The following ADAMTS18 variants were observed in gnomAD, a reference collection of about 807,000 sequenced individuals.
The protein encoded by ADAMTS18 is ADAM metallopeptidase with thrombospondin type 1 motif 18.
Under a neutral mutation model 165.9 loss-of-function variants are expected in ADAMTS18, and 157 were observed. The ratio of observed to expected loss-of-function variants is 0.95; its 90% CI spans 0.83 to 1.08. The LOEUF is 1.08. ADAMTS18 is among the 50% of genes least tolerant of loss of function. The pLI, the probability that ADAMTS18 is intolerant of heterozygous loss-of-function variation, is 0.00. For missense variants in ADAMTS18, 2,040 were observed against 1,534.0 expected (o/e 1.33, Z -5.51); for synonymous variants, 782 against 578.2 (o/e 1.35, Z -5.06).
intron 12 of ADAMTS18, among the ~76,000 whole-genome samples, chr16:77,326,308 T>A (rs1295087352): frequency 6.6e-6 from 1 of 152,232 alleles, no homozygotes. Context: ...CTAAATCAAA[T>A]TTATTTGCCA....
chr16:77,322,653 A>G (rs1567481311), intron 13 of ADAMTS18, among the ~76,000 whole-genome samples, 187 bp from the exon 14 acceptor site: 1 of 152,230 alleles, frequency 6.6e-6, no homozygotes, highest in Non-Finnish European at 1.5e-5. Context: ...AACAATCCAT[A>G]TAAAACTAAT....
At position 77,320,046 on chromosome 16, in the gene ADAMTS18, T is replaced by C. The variant is rs1228938353; in HGVS notation, c.2335A>G (p.Ile779Val). Reference protein sequence around the residue: ...LIPAGARSIEIQELQVSSSYL... With the variant: ...LIPAGARSIEVQELQVSSSYL... ...CTGGAGGAAACCTGCAGCTCCTGGA[T>C]TTCGATGCTTCGGGCGCCAGCTGGA... Residue 779 changes from isoleucine to valine, a missense_variant, in exon 16 of 23, where the codon ATC becomes GTC. Coordinates refer to ENST00000282849, the MANE Select transcript of ADAMTS18 (RefSeq NM_199355.4). The C allele has an allele frequency of 6.2e-7, 1 of 1,614,012 alleles. No individual in the cohort carries two copies. Among genetic ancestry groups the C allele is most frequent in the Non-Finnish European group, 8.5e-7 (1 of 1,180,018 alleles).
chr16:77,375,547 G>T (rs1014119626), intron 3 of ADAMTS18, among the ~76,000 whole-genome samples: 1 of 152,200 alleles, frequency 6.6e-6, no homozygotes, highest in Non-Finnish European at 1.5e-5. Flanking sequence ...CCACGATGGG[G>T]AAGTCCATGA....
intron 3 of ADAMTS18, among the ~76,000 whole-genome samples, chr16:77,389,781 T>C (rs370912065): frequency 2.0e-5 from 3 of 152,078 alleles, no homozygotes; most frequent in East Asian, 3.9e-4. Context: ...AGAGGTGAAA[T>C]AGAGACAGGA....
At chr16:77,288,692 C>CTCCATTAAAATATGAGCTCCTTG (rs1343179777) in intron 22 of ADAMTS18, among the ~76,000 whole-genome samples, 1 of 152,126 alleles carries the variant, frequency 6.6e-6, no homozygotes, top group Non-Finnish European at 1.5e-5. Flanking sequence ...TAGTTGTCTC[C>CTCCATTAAAATATGAGCTCCTTG]TCCATTAAAA....
At chr16:77,340,739 C>G (rs772556645) in intron 11 of ADAMTS18, among the ~76,000 whole-genome samples, 1 of 152,020 alleles carries the variant, frequency 6.6e-6, no homozygotes, top group Non-Finnish European at 1.5e-5. Flanking sequence ...CACCACCAAG[C>G]CTGTTTAAGC....
At chr16:77,411,236 T>C (rs778075964) in intron 3 of ADAMTS18, among the ~76,000 whole-genome samples, 7 of 152,294 alleles carry the variant, frequency 4.6e-5, no homozygotes, top group Middle Eastern at 6.8e-3. Context: ...CATAGCCACA[T>C]GGCTGGCTCC....
chr16:77,399,415 T>C (rs985518164), intron 3 of ADAMTS18, among the ~76,000 whole-genome samples: 4 of 152,176 alleles, frequency 2.6e-5, no homozygotes, highest in Non-Finnish European at 5.9e-5. Context: ...TTCAGGTGAA[T>C]GAAGCATTTA....
intron 13 of ADAMTS18, among the ~76,000 whole-genome samples, chr16:77,322,711 T>G (rs1225726316): frequency 6.6e-6 from 1 of 152,166 alleles, no homozygotes; most frequent in East Asian, 1.9e-4. Flanking sequence ...TTAGGGATAG[T>G]CACCATACAC....
intron 3 of ADAMTS18, among the ~76,000 whole-genome samples, chr16:77,376,516 G>A (rs977419527): frequency 1.3e-5 from 2 of 152,160 alleles, no homozygotes; most frequent in Non-Finnish European, 2.9e-5. Flanking sequence ...TTCCCCTCAA[G>A]AGACAAGAGT....
chr16:77,394,996 C>G (rs145170990), intron 3 of ADAMTS18, among the ~76,000 whole-genome samples: 1 of 152,248 alleles, frequency 6.6e-6, no homozygotes, highest in East Asian at 1.9e-4. Flanking sequence ...AAACCCTAGG[C>G]ACATGAAGCT....
chr16:77,428,207 T>C (rs1269608639), intron 3 of ADAMTS18, among the ~76,000 whole-genome samples: 4 of 152,128 alleles, frequency 2.6e-5, no homozygotes, highest in Non-Finnish European at 5.9e-5. Context: ...TCGGTCTCTG[T>C]ATTAATAGGA....
At chr16:77,355,369 T>G (rs1025965300) in intron 9 of ADAMTS18, among the ~76,000 whole-genome samples, 1 of 152,232 alleles carries the variant, frequency 6.6e-6, no homozygotes, top group African/African-American at 2.4e-5. Flanking sequence ...TGGCTATCAT[T>G]TGGACATAAA....
intron 22 of ADAMTS18, 77 bp from the exon 23 acceptor site, chr16:77,284,148 T>TCTCA (rs2055203445): frequency 2.2e-6 from 2 of 928,274 alleles, no homozygotes; most frequent in African/African-American, 3.4e-5. Flanking sequence ...TGAGATGGAG[T>TCTCA]CTCACTCTGT....
intron 3 of ADAMTS18, among the ~76,000 whole-genome samples, chr16:77,387,081 G>A (rs1160660737): frequency 2.0e-5 from 3 of 152,130 alleles, no homozygotes; most frequent in Admixed American, 6.6e-5. Flanking sequence ...AGATGCAGAG[G>A]GACATAGATA....
intron 4 of ADAMTS18, among the ~76,000 whole-genome samples, chr16:77,366,871 T>C (rs1414960212): frequency 6.6e-6 from 1 of 152,224 alleles, no homozygotes; most frequent in Non-Finnish European, 1.5e-5. Context: ...TAAAATGTTA[T>C]TAAAATTCAT....
chr16:77,388,630 T>A (rs1265255562), intron 3 of ADAMTS18, among the ~76,000 whole-genome samples: 1 of 152,128 alleles, frequency 6.6e-6, no homozygotes, highest in African/African-American at 2.4e-5. Context: ...ACTGAAGGCA[T>A]AAATATATAT....
chr16:77,364,744 GA>G lies in ADAMTS18; in HGVS notation c.779-364del, dbSNP rs371160538. On this transcript the variant is annotated intron_variant, in intron 4 of 22. Transcript: ENST00000282849. The stretch of plus-strand genomic sequence containing the variant: ...CTAAAAGGAAAAAAAAAGAAAGAAA[GA>G]AAAGAAAAGAAGAAAGAAAAGGAAA... Among the ~76,000 whole-genome samples, 5 of 81,628 alleles carry G rather than the reference GA, an allele frequency of 6.1e-5. 1 individual carries two copies. Among genetic ancestry groups the G allele is most frequent in the Admixed American group, 4.0e-4 (2 of 5,028 alleles). The allele number at this position is 81,628 out of a possible 152,430, so 53.6% of individuals were successfully genotyped here. A position where few individuals can be genotyped will look rare whatever the true frequency, so the allele number is the denominator to read the frequency against.
chr16:77,304,395 AAGCTGCAGTG>A (rs1170518371), intron 16 of ADAMTS18, among the ~76,000 whole-genome samples: 1 of 152,282 alleles, frequency 6.6e-6, no homozygotes, highest in African/African-American at 2.4e-5. Context: ...CAGGAGTTGG[AAGCTGCAGTG>A]AGCTATAGTC....
Sources: gnomAD v4.1 joint callset for allele counts (sites outside exome capture counted in the v4.1 genomes callset) on GRCh38, gnomAD v4.1.1 for gene constraint, MANE v1.5 for transcripts, NCBI Gene and HGNC (gene_info 2026-07-23, HGNC 2026-07-21) for gene names.